The following PTPRG variants were observed in gnomAD, a reference collection of about 807,000 sequenced individuals.
PTPRG encodes protein tyrosine phosphatase receptor type G.
A neutral mutation model predicts 165.3 loss-of-function variants in PTPRG; 102 were observed. That is an observed-to-expected ratio of 0.62 (90% confidence interval 0.53 to 0.73). PTPRG has a LOEUF of 0.73. Among genes scored for constraint, PTPRG ranks in the 30% least tolerant of loss-of-function variants. The probability of loss-of-function intolerance (pLI) is 0.00; values close to 1 mark genes in which losing one functional copy is unlikely to be tolerated. For missense variants in PTPRG, 1,866 were observed against 1,861.4 expected, an observed-to-expected ratio of 1.00 and a Z score of -0.05; for synonymous variants, 675 against 669.5, an observed-to-expected ratio of 1.01 and a Z score of -0.13.
chr3:61,610,702 C>T (rs976770977), intron 1 of PTPRG, among the ~76,000 whole-genome samples: 13 of 151,904 alleles, frequency 8.6e-5, no homozygotes, highest in African/African-American at 2.4e-5. Flanking sequence ...ATTTTCGTTT[C>T]ACTCACTTGA....
intron 2 of PTPRG, among the ~76,000 whole-genome samples, chr3:61,888,264 C>T (rs904227581): frequency 7.9e-5 from 12 of 151,444 alleles, no homozygotes; most frequent in African/African-American, 2.2e-4. Flanking sequence ...AAGTTTTAGA[C>T]GTATTATGCC....
At chr3:62,070,443 A>T (rs1701171746) in intron 4 of PTPRG, among the ~76,000 whole-genome samples, 1 of 152,176 alleles carries the variant, frequency 6.6e-6, no homozygotes, top group South Asian at 2.1e-4. Flanking sequence ...GCTTCAAGCC[A>T]CTTAGAGCTC....
At chr3:61,651,426 A>G (rs1455039942) in intron 1 of PTPRG, among the ~76,000 whole-genome samples, 2 of 151,132 alleles carry the variant, frequency 1.3e-5, no homozygotes, top group African/African-American at 4.9e-5. Context: ...CCATTGATTT[A>G]TATGCTCACA....
At chr3:62,017,614 C>T (rs889853487) in intron 4 of PTPRG, among the ~76,000 whole-genome samples, 2 of 145,150 alleles carry the variant, frequency 1.4e-5, no homozygotes, top group South Asian at 2.2e-4. Context: ...TTAGTAGAGA[C>T]GGGGTTTCAC....
intron 5 of PTPRG, among the ~76,000 whole-genome samples, chr3:62,123,216 T>C (rs1703145097): frequency 6.6e-6 from 1 of 152,204 alleles, no homozygotes; most frequent in Non-Finnish European, 1.5e-5. Flanking sequence ...CTTAGATTGC[T>C]AGCAGAACCC....
In PTPRG at chr3:61,663,734, G is replaced by A. The variant is rs1374761283; in HGVS notation, c.86-85144G>A. ...AAGCAGTCCCATCTGAGGGTAATGG[G>A]AGACAGTGACAGATCATCAGGCATT... is the stretch of plus-strand genomic sequence containing the variant. On this transcript the variant is annotated intron_variant, in intron 1 of 29. Transcript: ENST00000474889. 2.6e-5 allele frequency among the ~76,000 whole-genome samples: 4 copies of A among 152,158 alleles called. No individual in the cohort carries two copies. In the East Asian group the frequency reaches 5.8e-4, roughly 22 times the overall value.
chr3:62,081,655 T>C (rs978924203), intron 5 of PTPRG, among the ~76,000 whole-genome samples: 1 of 152,232 alleles, frequency 6.6e-6, no homozygotes, highest in Non-Finnish European at 1.5e-5. Context: ...CCTTTGTCTT[T>C]CTTGTAAGCA....
chr3:61,835,485 C>T (rs1330085199), intron 2 of PTPRG, among the ~76,000 whole-genome samples: 1 of 152,056 alleles, frequency 6.6e-6, no homozygotes, highest in Non-Finnish European at 1.5e-5. Context: ...AGGCACACGC[C>T]ACCACACCTG....
intron 2 of PTPRG, among the ~76,000 whole-genome samples, chr3:61,910,752 T>C (rs909521261): frequency 6.6e-6 from 1 of 152,144 alleles, no homozygotes; most frequent in Non-Finnish European, 1.5e-5. Context: ...CCACCTGCTT[T>C]CCCCACAGAA....
chr3:62,202,198 C>A (rs1352351384), intron 11 of PTPRG, among the ~76,000 whole-genome samples: 1 of 152,148 alleles, frequency 6.6e-6, no homozygotes, highest in East Asian at 1.9e-4. Context: ...AGACTAATAG[C>A]TCAGAGCAGC....
chr3:62,015,864 C>T (rs921836062), intron 4 of PTPRG, among the ~76,000 whole-genome samples: 2 of 152,104 alleles, frequency 1.3e-5, no homozygotes, highest in Non-Finnish European at 2.9e-5. Context: ...TCAGGGCATG[C>T]GGTTTATACT....
chr3:61,636,468 CTTG>C (rs1701911504), intron 1 of PTPRG, among the ~76,000 whole-genome samples: 1 of 152,244 alleles, frequency 6.6e-6, no homozygotes, highest in Non-Finnish European at 1.5e-5. Context: ...GTTCATCTAT[CTTG>C]TTGTATCAGT....
intron 4 of PTPRG, among the ~76,000 whole-genome samples, chr3:62,065,119 A>G (rs1300592868): frequency 6.6e-6 from 1 of 152,188 alleles, no homozygotes; most frequent in Non-Finnish European, 1.5e-5. Flanking sequence ...TACGAATGGT[A>G]TAGGAAAATT....
At chr3:62,131,309 C>T (rs1703505615) in intron 5 of PTPRG, among the ~76,000 whole-genome samples, 3 of 152,152 alleles carry the variant, frequency 2.0e-5, no homozygotes. Context: ...GGCAATATCT[C>T]CCCCATTTGA....
At chr3:62,144,043 T>G (rs1372946694) in intron 6 of PTPRG, among the ~76,000 whole-genome samples, 1 of 152,190 alleles carries the variant, frequency 6.6e-6, no homozygotes, top group Non-Finnish European at 1.5e-5. Flanking sequence ...CTTGCTTTTG[T>G]AAATAAAGTT....
chr3:62,133,033 A>G (rs1367207442), intron 6 of PTPRG, among the ~76,000 whole-genome samples: 1 of 152,220 alleles, frequency 6.6e-6, no homozygotes. Flanking sequence ...TGCATCACAG[A>G]TCTAGGGCAG....
intron 1 of PTPRG, among the ~76,000 whole-genome samples, chr3:61,670,559 C>T (rs1702943788): frequency 6.6e-6 from 1 of 152,182 alleles, no homozygotes; most frequent in South Asian, 2.1e-4. Context: ...TCTCTGCTTT[C>T]CATATGGTCA....
chr3:61,670,271 C>G lies in PTPRG; in HGVS notation c.86-78607C>G, dbSNP rs559039934. ...GACCCAGGAGGGGGTTGACTTATCC[C>G]GAAAAATCAGGTTCTTTTTGAAAAT... On this transcript the variant is annotated intron_variant, in intron 1 of 29. Coordinates refer to ENST00000474889, the MANE Select transcript of PTPRG (RefSeq NM_002841.4). 5.9e-5 allele frequency among the ~76,000 whole-genome samples: 9 copies of G among 152,226 alleles called. 1 individual carries two copies. In the South Asian group the frequency reaches 1.7e-3, roughly 28 times the overall value.
chr3:62,198,083 T>C (rs1467073403), intron 10 of PTPRG, among the ~76,000 whole-genome samples: 2 of 152,240 alleles, frequency 1.3e-5, no homozygotes, highest in African/African-American at 4.8e-5. Flanking sequence ...TTTACCATAT[T>C]ATAGTAAATA....
Sources: gnomAD v4.1 joint callset for allele counts (sites outside exome capture counted in the v4.1 genomes callset) on GRCh38, gnomAD v4.1.1 for gene constraint, MANE v1.5 for transcripts, NCBI Gene and HGNC (gene_info 2026-07-23, HGNC 2026-07-21) for gene names.